Variants in ACSF2 observed in about 807,000 individuals in gnomAD.
ACSF2 encodes the protein medium-chain acyl-CoA ligase ACSF2, mitochondrial.
ACSF2 carries 52 observed loss-of-function variants against 79.3 expected under a neutral mutation model. The ratio of observed to expected loss-of-function variants is 0.66; its 90% confidence interval spans 0.53 to 0.83. The LOEUF is 0.83. Among genes scored for constraint, ACSF2 ranks in the 40% least tolerant of loss-of-function variants. ACSF2 has a pLI of 0.00. For missense variants in ACSF2, 661 were observed against 803.3 expected (o/e 0.82, Z 2.14); for synonymous variants, 283 against 312.6 (o/e 0.91, Z 1.00).
chr17:50,461,562 T>TG, intron 3 of ACSF2, 71 bp from the exon 4 acceptor site: 1 of 1,606,774 alleles, frequency 6.2e-7, no homozygotes, highest in East Asian at 2.2e-5. Context: ...CTATGCCTCC[T>TG]GGGGGCGGAG....
chr17:50,452,237 T>C (rs559950518), intron 1 of ACSF2, among the ~76,000 whole-genome samples: 1 of 152,248 alleles, frequency 6.6e-6, no homozygotes, highest in South Asian at 2.1e-4. Flanking sequence ...AGTTCTGAGT[T>C]GAGAACAACT....
Position 50,451,900 on chromosome 17 carries a change from A to G in ACSF2, c.129-8777A>G, listed in dbSNP as rs546341279. Reference sequence around the variant, plus strand: ...TTTTAATTGAGTCATTATGTGCATTATTTTTAATTCATTCATTTGGTCATT... The same window carrying G: ...TTTTAATTGAGTCATTATGTGCATTGTTTTTAATTCATTCATTTGGTCATT... On this transcript the variant is annotated intron_variant, in intron 1 of 15. Transcript: ENST00000300441. Among the ~76,000 whole-genome samples the G allele has an allele frequency of 1.1e-4, 17 of 152,274 alleles. No individual in the cohort carries two copies. In the South Asian group the frequency reaches 1.9e-3, roughly 17 times the overall value.
In ACSF2 at chr17:50,461,649, C is replaced by T. The variant is rs997095722; in HGVS notation, c.470C>T (p.Ala157Val). Residue 157 changes from alanine to valine, a missense_variant, in exon 4 of 16, where the codon GCC becomes GTC. By Grantham distance (64) the Ala-to-Val change is moderately conservative. Coordinates refer to ENST00000300441, the MANE Select transcript of ACSF2 (RefSeq NM_025149.6). The stretch of plus-strand genomic sequence containing the variant: ...TTCCACCAGGTGTCTGTGAACCCAG[C>T]CTACCAGGCTATGGAACTGGAGTAT... Reference protein sequence around the residue: ...AGIILVSVNPAYQAMELEYVL... With the variant: ...AGIILVSVNPVYQAMELEYVL... 6.2e-7 allele frequency: 1 copy of T among 1,614,114 alleles called. No homozygotes were observed. The highest frequency in any genetic ancestry group is 1.3e-5 in the African/African-American group (1 of 75,046).
rs781217564 is a variant in ACSF2, at chr17:50,474,464, GA to G, written c.1798-37del. Reference sequence around the variant, plus strand: ...AACCCCTTATTCTTGGGTGAACCAAGACAGCTGGTAACCCTAACTCCATTTT... The same window carrying G: ...AACCCCTTATTCTTGGGTGAACCAAGCAGCTGGTAACCCTAACTCCATTTT... On this transcript the variant is annotated intron_variant, in intron 15 of 15. Transcript: ENST00000300441. The surrounding 1 kb of genome is among the most constrained non-coding windows in gnomAD (Gnocchi z 4.2). The G allele has an allele frequency of 6.2e-7, 1 of 1,609,532 alleles. No individual in the cohort carries two copies. The highest frequency in any genetic ancestry group is 1.1e-5 in the South Asian group (1 of 90,958).
intron 1 of ACSF2, among the ~76,000 whole-genome samples, chr17:50,447,289 C>T (rs918324768): frequency 2.0e-5 from 3 of 152,088 alleles, no homozygotes; most frequent in Admixed American, 6.6e-5. Context: ...CTTGTAATCC[C>T]AGCACTTTGG....
chr17:50,472,084 A>G (rs2033148036), intron 11 of ACSF2: 1 of 245,088 alleles, frequency 4.1e-6, no homozygotes, highest in Non-Finnish European at 7.8e-6. Flanking sequence ...AATGGGAAGT[A>G]AGAGGAGACT....
chr17:50,432,671 C>T (rs1288632856), intron 1 of ACSF2, among the ~76,000 whole-genome samples: 1 of 152,196 alleles, frequency 6.6e-6, no homozygotes, highest in Admixed American at 6.5e-5. Flanking sequence ...TGTTGTATTT[C>T]TAGCTTACAA....
At chr17:50,454,858 T>TA (rs1555610120) in intron 1 of ACSF2, among the ~76,000 whole-genome samples, 1 of 151,994 alleles carries the variant, frequency 6.6e-6, no homozygotes, top group Non-Finnish European at 1.5e-5. Flanking sequence ...TTTTTTTTTT[T>TA]CCCCCATAAA....
chr17:50,434,869 T>A (rs2143508873), intron 1 of ACSF2, among the ~76,000 whole-genome samples: 1 of 152,156 alleles, frequency 6.6e-6, no homozygotes, highest in Middle Eastern at 3.4e-3. Flanking sequence ...AGATCTTTTT[T>A]TTTTCTTTTT....
At chr17:50,446,360 C>T (rs961276289) in intron 1 of ACSF2, among the ~76,000 whole-genome samples, 9 of 151,964 alleles carry the variant, frequency 5.9e-5, no homozygotes, top group South Asian at 2.1e-4. Flanking sequence ...CAGATTCAAG[C>T]GATTCTCCTG....
At chr17:50,467,997 A>C in intron 10 of ACSF2, 1 of 1,519,034 alleles carries the variant, frequency 6.6e-7, no homozygotes, top group Non-Finnish European at 8.8e-7. Context: ...GCCTCCAGGA[A>C]GGGAAGAAGG....
At chr17:50,465,536 A>G (rs2143745304) in intron 10 of ACSF2, 2 of 1,508,650 alleles carry the variant, frequency 1.3e-6, no homozygotes, top group East Asian at 2.3e-5. Flanking sequence ...TGGCCACAGG[A>G]TAGTCTGAAG....
chr17:50,460,287 G>T (rs1343096699), intron 1 of ACSF2: 1 of 462,998 alleles, frequency 2.2e-6, no homozygotes, highest in Non-Finnish European at 4.3e-6. Context: ...CGCTTCCCTG[G>T]TTCCTCAGGA....
intron 1 of ACSF2, among the ~76,000 whole-genome samples, chr17:50,459,253 T>C (rs1321156966): frequency 1.3e-5 from 2 of 152,158 alleles, no homozygotes; most frequent in Non-Finnish European, 1.5e-5. Flanking sequence ...TATTGGTTTG[T>C]TGTTTGAGAC....
Position 50,471,181 on chromosome 17 carries a change from G to C in ACSF2, c.1323+46G>C, listed in dbSNP as rs1482384125. 6.5e-7 allele frequency: 1 copy of C among 1,537,976 alleles called. No homozygotes were observed. Among genetic ancestry groups the C allele is most frequent in the Admixed American group, 1.7e-5 (1 of 59,644 alleles). ...CCAAAGTCCCACCTCCCGTCACCCA[G>C]CTGGGGTGCACCCAGCTGGGACATC... On this transcript the variant is annotated intron_variant, in intron 11 of 15. Coordinates refer to ENST00000300441, the MANE Select transcript of ACSF2 (RefSeq NM_025149.6). The surrounding 1 kb of genome is among the most constrained non-coding windows in gnomAD (Gnocchi z 4.1).
chr17:50,436,764 C>G (rs927178734), intron 1 of ACSF2, among the ~76,000 whole-genome samples: 1 of 146,032 alleles, frequency 6.8e-6, no homozygotes, highest in Middle Eastern at 3.3e-3. Context: ...TCCTGAGGCT[C>G]TTTTTATGCT....
intron 1 of ACSF2, among the ~76,000 whole-genome samples, chr17:50,446,251 G>C (rs1159124258): frequency 1.3e-5 from 2 of 151,906 alleles, no homozygotes; most frequent in Non-Finnish European, 2.9e-5. Flanking sequence ...AGCCCTAGAA[G>C]GTTTTTTTTT....
At chr17:50,438,954 C>A (rs186929988) in intron 1 of ACSF2, among the ~76,000 whole-genome samples, 1 of 152,084 alleles carries the variant, frequency 6.6e-6, no homozygotes, top group Non-Finnish European at 1.5e-5. Flanking sequence ...ATCATTTGAT[C>A]TGTTTTTAAA....
rs80176669 is a variant in ACSF2, at chr17:50,474,201, C to T, written c.1731C>T (p.Ile577=). ...EEIKAFCKGK[I]SHFKIPKYIV... is the part of the protein sequence containing the mutation. Reference sequence around the variant, plus strand: ...ACCTCCCTCCCTCTGGTCTGCAGATCTCTCACTTCAAGATTCCGAAGTACA... The same window carrying T: ...ACCTCCCTCCCTCTGGTCTGCAGATTTCTCACTTCAAGATTCCGAAGTACA... The change falls in exon 15 of 16, where the codon ATC becomes ATT. Residue 577 remains isoleucine (I), a splice_region_variant and synonymous_variant. Transcript: ENST00000300441. The surrounding 1 kb of genome is among the most constrained non-coding windows in gnomAD (Gnocchi z 4.2). 3.7e-4 allele frequency: 600 copies of T among 1,614,218 alleles called. 3 individuals are homozygous for T. The African/African-American group carries it at 7.3e-3, about 20-fold the overall frequency.
Sources: allele counts gnomAD v4.1 joint callset (sites outside exome capture counted in the v4.1 genomes callset), GRCh38; gene constraint gnomAD v4.1.1; non-coding constraint Gnocchi (gnomAD v3.1); transcripts MANE v1.5; gene names NCBI Gene and HGNC (gene_info 2026-07-23, HGNC 2026-07-21).